The following ANKRD12 variants were observed in gnomAD, a reference collection of about 807,000 sequenced individuals.
ANKRD12 encodes the protein ankyrin repeat domain-containing protein 12.
A neutral mutation model predicts 183.4 loss-of-function variants in ANKRD12; 85 were observed. That is an observed-to-expected ratio of 0.46 (90% CI 0.39 to 0.56). The LOEUF (loss-of-function observed/expected upper bound fraction) is 0.56, where lower values mean the gene tolerates loss of function less well. Ranked by LOEUF, ANKRD12 falls within the 20% of genes least tolerant of loss-of-function variation. ANKRD12 has a pLI of 0.00. For synonymous variants in ANKRD12, 914 were observed against 800.2 expected (o/e 1.14, Z -2.40); for missense variants, 2,405 against 2,357.1 (o/e 1.02, Z -0.42).
chr18:9,279,970 A>G (rs182877349), intron 12 of ANKRD12, among the ~76,000 whole-genome samples: 216 of 152,348 alleles, frequency 1.4e-3, no homozygotes, highest in African/African-American at 5.0e-3. Flanking sequence ...TCAAATCTAT[A>G]AATTATTTGA....
At position 9,256,417 on chromosome 18, in the gene ANKRD12, T is replaced by G; in HGVS notation, c.3150T>G (p.Asp1050Glu). The G allele has an allele frequency of 6.2e-7, 1 of 1,611,522 alleles. No individual in the cohort carries two copies. The highest frequency in any genetic ancestry group is 8.5e-7 in the Non-Finnish European group (1 of 1,179,304). ...NSLLKLKSEA[D>E]KPKPKSSPAS... The stretch of plus-strand genomic sequence containing the variant: ...TACTCAAACTAAAATCTGAAGCAGA[T>G]AAGCCTAAACCTAAGTCATCACCAG... Residue 1050 changes from aspartate (D) to glutamate (E), a missense_variant, in exon 9 of 13, where the codon GAT becomes GAG. By Grantham distance (45) the Asp-to-Glu change is conservative. Around this residue, in one of 7 missense-constraint regions of ANKRD12, gnomAD observed 1,983 missense variants for 1,725.9 expected, o/e 1.15. Coordinates refer to ENST00000262126, the MANE Select transcript of ANKRD12 (RefSeq NM_015208.5).
chr18:9,243,638 G>T (rs2037784496), intron 8 of ANKRD12, among the ~76,000 whole-genome samples: 1 of 152,108 alleles, frequency 6.6e-6, no homozygotes, highest in Non-Finnish European at 1.5e-5. Context: ...TGGAATTCAA[G>T]ATAATATATG....
intron 10 of ANKRD12, among the ~76,000 whole-genome samples, chr18:9,272,000 A>G (rs1156346509): frequency 6.6e-6 from 1 of 152,180 alleles, no homozygotes; most frequent in Non-Finnish European, 1.5e-5. Context: ...TACTAAATGA[A>G]CAAAGTTTAC....
chr18:9,245,259 G>A (rs1219874227), intron 8 of ANKRD12, among the ~76,000 whole-genome samples: 3 of 151,634 alleles, frequency 2.0e-5, no homozygotes, highest in Non-Finnish European at 4.4e-5. Context: ...AGAGCAGCCT[G>A]GGCAACATGG....
chr18:9,167,220 G>T (rs1466970633), intron 1 of ANKRD12, among the ~76,000 whole-genome samples: 1 of 151,858 alleles, frequency 6.6e-6, no homozygotes, highest in East Asian at 1.9e-4. Flanking sequence ...GGTTCCATAT[G>T]AACTTTAAAG....
chr18:9,213,509 G>A (rs1034285162), intron 6 of ANKRD12, among the ~76,000 whole-genome samples: 15 of 151,846 alleles, frequency 9.9e-5, no homozygotes, highest in African/African-American at 2.4e-4. Context: ...ATAGGAACTC[G>A]TTGAAGGAAA....
At position 9,258,150 on chromosome 18, in the gene ANKRD12, T is replaced by A; in HGVS notation, c.4883T>A (p.Val1628Asp). Residue 1628 changes from valine to aspartate, a missense_variant, in exon 9 of 13, where the codon GTC becomes GAC. Transcript: ENST00000262126. ...GAGAATAGCACAACTGATACTCAGG[T>A]CATTTCACATGAAAAAGAAAACAAA... ...EVENSTTDTQ[V>D]ISHEKENKLE... 4 of 1,613,792 alleles carry A rather than the reference T, an allele frequency of 2.5e-6. No individual in the cohort carries two copies. The highest frequency in any genetic ancestry group is 3.4e-6 in the Non-Finnish European group (4 of 1,179,974).
Position 9,281,140 on chromosome 18 carries a change from C to G in ANKRD12, c.*14C>G. The stretch of plus-strand genomic sequence containing the variant: ...ACTCCTATATAGCAGTCAGTACTTC[C>G]TGATGGTATTGTCCTAAACTGGTGA... On this transcript the variant is annotated 3_prime_UTR_variant, in exon 13 of 13. Coordinates refer to ENST00000262126, the MANE Select transcript of ANKRD12 (RefSeq NM_015208.5). 2 of 1,606,318 alleles carry G rather than the reference C, an allele frequency of 1.2e-6. No homozygotes were observed. Among genetic ancestry groups the G allele is most frequent in the Non-Finnish European group, 1.7e-6 (2 of 1,175,264 alleles).
At chr18:9,167,028 A>G (rs913611218) in intron 1 of ANKRD12, among the ~76,000 whole-genome samples, 6 of 151,972 alleles carry the variant, frequency 3.9e-5, no homozygotes, top group South Asian at 2.1e-4. Flanking sequence ...GATAGTTGTA[A>G]ATATGCGGCA....
At chr18:9,233,335 C>T (rs2037162369) in intron 8 of ANKRD12, among the ~76,000 whole-genome samples, 1 of 151,706 alleles carries the variant, frequency 6.6e-6, no homozygotes, top group African/African-American at 2.4e-5. Flanking sequence ...TTTCTGATTT[C>T]TTTGTATTGT....
intron 2 of ANKRD12, among the ~76,000 whole-genome samples, chr18:9,185,860 T>C (rs1253307411): frequency 2.6e-5 from 4 of 152,176 alleles, no homozygotes; most frequent in Admixed American, 2.6e-4. Context: ...TTGAAACATT[T>C]TAAATGACCT....
chr18:9,183,745 T>C (rs986009337), intron 2 of ANKRD12, among the ~76,000 whole-genome samples: 1 of 152,172 alleles, frequency 6.6e-6, no homozygotes, highest in African/African-American at 2.4e-5. Context: ...TTTTCCCCGA[T>C]TACACTGGCA....
rs138116449 is a variant in ANKRD12 at position 9,280,133 on chromosome 18, A to G, written c.6003+489A>G. On this transcript the variant is annotated intron_variant, in intron 12 of 12. Transcript: ENST00000262126. The stretch of plus-strand genomic sequence containing the variant: ...TTGGCACCAGGGACCAGTTTCGTGG[A>G]AGACAATTTTTCCATGGGTTGGGGT... Among the ~76,000 whole-genome samples, 514 of 152,300 alleles carry G rather than the reference A, an allele frequency of 3.4e-3. 3 individuals carry two copies. The highest frequency in any genetic ancestry group is 0.012 in the African/African-American group (491 of 41,570).
At chr18:9,268,675 G>A (rs1338174142) in intron 10 of ANKRD12, among the ~76,000 whole-genome samples, 1 of 152,080 alleles carries the variant, frequency 6.6e-6, no homozygotes, top group Non-Finnish European at 1.5e-5. Flanking sequence ...ATACTGAATG[G>A]GCAAAAACTG....
chr18:9,137,503 G>GCCCGCCGCGCGTT (rs1242042547), intron 1 of ANKRD12: 12 of 146,876 alleles, frequency 8.2e-5, no homozygotes, highest in African/African-American at 2.9e-4. Context: ...GGCGCGCCCG[G>GCCCGCCGCGCGTT]CCCGCCGCGC....
intron 4 of ANKRD12, among the ~76,000 whole-genome samples, chr18:9,207,134 A>C (rs539619570): frequency 2.0e-5 from 3 of 152,242 alleles, no homozygotes; most frequent in Non-Finnish European, 4.4e-5. Context: ...CTAGAGAACC[A>C]AGATATGCAG....
Position 9,263,774 on chromosome 18 carries a change from A to T in ANKRD12, c.5665-16A>T, listed in dbSNP as rs1054155145. The T allele has an allele frequency of 6.6e-7, 1 of 1,519,212 alleles. No homozygotes were observed. Among genetic ancestry groups the T allele is most frequent in the African/African-American group, 1.4e-5 (1 of 70,790 alleles). The allele number at this position is 1,519,212 out of a possible 1,614,324, so 94.1% of individuals were successfully genotyped here. ...TAAAACCTAATATTTTAAACTATATATATCTTTTTAATTAGATTACACCAC... is the reference window on the plus strand; with the variant it reads ...TAAAACCTAATATTTTAAACTATATTTATCTTTTTAATTAGATTACACCAC... On this transcript the variant is annotated splice_polypyrimidine_tract_variant and intron_variant, in intron 9 of 12. Coordinates refer to ENST00000262126, the MANE Select transcript of ANKRD12 (RefSeq NM_015208.5).
intron 6 of ANKRD12, among the ~76,000 whole-genome samples, chr18:9,216,382 G>T (rs977754803): frequency 6.6e-6 from 1 of 152,122 alleles, no homozygotes; most frequent in African/African-American, 2.4e-5. Context: ...TAGCTTTATT[G>T]TAAGAGTACA....
chr18:9,254,150 T>C, intron 8 of ANKRD12, 61 bp from the exon 9 acceptor site: 2 of 1,436,234 alleles, frequency 1.4e-6, no homozygotes, highest in South Asian at 1.7e-5. Flanking sequence ...GAAAAAAAAA[T>C]TATTTTTCTG....
Sources: allele counts gnomAD v4.1 joint callset (sites outside exome capture counted in the v4.1 genomes callset), GRCh38; gene constraint gnomAD v4.1.1; regional missense constraint gnomAD v4.1.1; transcripts MANE v1.5; gene names NCBI Gene and HGNC (gene_info 2026-07-23, HGNC 2026-07-21).